The following ITIH5 variants were observed in gnomAD, a reference collection of about 807,000 sequenced individuals.
ITIH5 encodes inter-alpha-trypsin inhibitor heavy chain H5.
A neutral mutation model predicts 77.5 loss-of-function variants in ITIH5; 65 were observed. The observed-to-expected ratio is 0.84, with a 90% CI of 0.69 to 1.03. The LOEUF is 1.03. Among genes scored for constraint, ITIH5 ranks in the 50% least tolerant of loss-of-function variants. The pLI, the probability that ITIH5 is intolerant of heterozygous loss-of-function variation, is 0.00. For synonymous variants in ITIH5, 525 were observed against 494.3 expected, an observed-to-expected ratio of 1.06 and a Z score of -0.82; for missense variants, 1,208 against 1,213.1, an observed-to-expected ratio of 1.00 and a Z score of 0.06.
Position 7,560,158 on chromosome 10 carries a change from C to T in ITIH5, c.*2925G>A, listed in dbSNP as rs1832015125. On this transcript the variant is annotated 3_prime_UTR_variant, in exon 14 of 14. Coordinates refer to ENST00000397146, the MANE Select transcript of ITIH5 (RefSeq NM_030569.7). ...AGCCACTGCACCTGGCCCCATGTCT[C>T]TTCTTATAAGGGCCTTAATCCCATT... 2 of 219,272 alleles carry T rather than the reference C, an allele frequency of 9.1e-6. No individual in the cohort carries two copies. Among genetic ancestry groups the T allele is most frequent in the African/African-American group, 4.7e-5 (2 of 42,400 alleles). The allele number at this position is 219,272 out of a possible 1,614,324, so 13.6% of individuals were successfully genotyped here.
chr10:7,580,695 G>A (rs1219273525), intron 8 of ITIH5, among the ~76,000 whole-genome samples: 2 of 152,162 alleles, frequency 1.3e-5, no homozygotes, highest in African/African-American at 2.4e-5. Context: ...GAATGTGGAG[G>A]GAGAAAGAGC....
chr10:7,634,170 A>G (rs1654340674), intron 5 of ITIH5, among the ~76,000 whole-genome samples: 1 of 152,088 alleles, frequency 6.6e-6, no homozygotes, highest in African/African-American at 2.4e-5. Context: ...AAATTCCAGA[A>G]GTTAGATTTC....
intron 7 of ITIH5, among the ~76,000 whole-genome samples, chr10:7,588,838 C>A (rs1403648622): frequency 1.3e-5 from 2 of 152,228 alleles, no homozygotes; most frequent in Non-Finnish European, 2.9e-5. Flanking sequence ...TACGAGCCAC[C>A]TGAGGGAAAG....
Position 7,564,514 on chromosome 10 carries a change from T to C in ITIH5, c.2528-1130A>G, listed in dbSNP as rs181656472. ...ACAAATACTTATCATCGTGTTGCAA[T>C]TGCCTGCAGTAGTCCATGCAGTCAC... On this transcript the variant is annotated intron_variant, in intron 13 of 13. Transcript: ENST00000397146. Among the ~76,000 whole-genome samples, 388 of 152,186 alleles carry C rather than the reference T, an allele frequency of 2.5e-3. 1 individual carries two copies. The highest frequency in any genetic ancestry group is 0.012 in the South Asian group (60 of 4,822).
rs1307188473 is a variant in ITIH5 at position 7,566,087 on chromosome 10, G to A, written c.2470C>T (p.Leu824=). The A allele has an allele frequency of 6.2e-7, 1 of 1,614,160 alleles. No individual in the cohort carries two copies. The highest frequency in any genetic ancestry group is 8.5e-7 in the Non-Finnish European group (1 of 1,180,032). Residue 824 remains leucine, a synonymous_variant, in exon 13 of 14, where the codon CTG becomes TTG. Transcript: ENST00000397146. The part of the protein sequence containing the change: ...KKPAPFQRHH[L]GFYIANSEGL... ...TCGCTGTTGGCAATGTAGAAACCCA[G>A]GTGGTGTCGCTGGAAGGGCGCCGGC... is the stretch of plus-strand genomic sequence containing the variant.
Position 7,657,063 on chromosome 10 carries a change from T to TTA in ITIH5, c.91-1389_91-1388insTA, listed in dbSNP as rs756931595. Among the ~76,000 whole-genome samples, 353 of 126,268 alleles carry TTA rather than the reference T, an allele frequency of 2.8e-3. 3 individuals carry two copies. Among genetic ancestry groups the TTA allele is most frequent in the African/African-American group, 5.9e-3 (199 of 33,450 alleles). 82.8% of individuals were successfully genotyped at this position (126,268 alleles called of 152,430 possible). ...GGCCTTTTTTTTTTTTTTTTTTTTTTAGACGGAGTCTTGTTCTGTTGCCCA... is the reference window on the plus strand; with the variant it reads ...GGCCTTTTTTTTTTTTTTTTTTTTTTTAAGACGGAGTCTTGTTCTGTTGCCCA... On this transcript the variant is annotated intron_variant, in intron 1 of 13. Coordinates refer to ENST00000397146, the MANE Select transcript of ITIH5 (RefSeq NM_030569.7).
chr10:7,651,727 G>C (rs901388653), intron 2 of ITIH5, among the ~76,000 whole-genome samples: 19 of 152,154 alleles, frequency 1.2e-4, no homozygotes, highest in African/African-American at 4.6e-4. Context: ...CAACCCTACA[G>C]CCAATCCTAA....
chr10:7,598,185 C>T (rs1296776331), intron 7 of ITIH5, among the ~76,000 whole-genome samples: 2 of 152,120 alleles, frequency 1.3e-5, no homozygotes, highest in Non-Finnish European at 2.9e-5. Flanking sequence ...GCTACAAATA[C>T]CTCCTGAAAT....
In ITIH5 at chr10:7,617,204, A is replaced by G; in HGVS notation, c.731T>C (p.Val244Ala). 1 of 1,605,034 alleles carries G rather than the reference A, an allele frequency of 6.2e-7. No homozygotes were observed. Among genetic ancestry groups the G allele is most frequent in the Non-Finnish European group, 8.5e-7 (1 of 1,175,876 alleles). The stretch of plus-strand genomic sequence containing the variant: ...ATTCTGGGCAATCCTGGCTTGTTGT[A>G]CTACAGTAGGTTTAAAAATTATGTT... ...FANIIFKPTVVQQARIAQNGI... is the reference protein window; with the variant it reads ...FANIIFKPTVAQQARIAQNGI... The change falls in exon 6 of 14, where the codon GTA becomes GCA. Residue 244 changes from valine to alanine, a missense_variant. Physicochemically the swap from Val to Ala is moderately conservative, Grantham distance 64 (BLOSUM62 0). Transcript: ENST00000397146.
intron 9 of ITIH5, among the ~76,000 whole-genome samples, chr10:7,577,767 G>A (rs186909485): frequency 3.3e-5 from 5 of 152,326 alleles, no homozygotes; most frequent in East Asian, 3.9e-4. Context: ...CTTGCTGTGT[G>A]TCTTGGGACA....
chr10:7,614,590 C>T (rs999889608), intron 7 of ITIH5, among the ~76,000 whole-genome samples: 3 of 152,066 alleles, frequency 2.0e-5, no homozygotes, highest in African/African-American at 7.2e-5. Context: ...GACTGGATAC[C>T]CCGGCTCTGA....
intron 12 of ITIH5, among the ~76,000 whole-genome samples, chr10:7,567,738 C>CA (rs1024573161): frequency 2.5e-4 from 37 of 150,646 alleles, no homozygotes; most frequent in South Asian, 2.3e-3. Flanking sequence ...TTAGACAAGT[C>CA]AAAAAAAAAC....
intron 7 of ITIH5, among the ~76,000 whole-genome samples, chr10:7,592,333 G>A (rs1293738904): frequency 6.6e-6 from 1 of 151,932 alleles, no homozygotes; most frequent in African/African-American, 2.4e-5. Flanking sequence ...CCATCCCCTT[G>A]CCCTGCCCCA....
chr10:7,644,715 A>C (rs1833965479), intron 2 of ITIH5, among the ~76,000 whole-genome samples: 2 of 140,722 alleles, frequency 1.4e-5, no homozygotes, highest in African/African-American at 5.3e-5. Context: ...TCACATATAT[A>C]TCATATATAT....
intron 5 of ITIH5, among the ~76,000 whole-genome samples, chr10:7,635,285 C>T (rs1833781167): frequency 6.6e-6 from 1 of 152,202 alleles, no homozygotes; most frequent in South Asian, 2.1e-4. Flanking sequence ...TTTAAGCTCT[C>T]ATTCTGCGGC....
intron 8 of ITIH5, 69 bp downstream of exon 8, chr10:7,585,832 A>C: frequency 1.4e-6 from 2 of 1,415,954 alleles, no homozygotes; most frequent in Admixed American, 2.3e-5. Flanking sequence ...TGGCAAAAAA[A>C]AAAAAAAACC....
Position 7,580,011 on chromosome 10 carries a change from C to T in ITIH5, c.1162G>A (p.Val388Met), listed in dbSNP as rs749838158. 1.3e-5 allele frequency: 21 copies of T among 1,613,532 alleles called. No homozygotes were observed. Among genetic ancestry groups the T allele is most frequent in the African/African-American group, 6.7e-5 (5 of 75,038 alleles). Residue 388 changes from valine (V) to methionine (M), a missense_variant, in exon 9 of 14, where the codon GTG becomes ATG. Transcript: ENST00000397146. ...QRAIRLLNKY[V>M]AHSGIGDRSV... ...CGGTCTCCAATGCCACTGTGGGCCA[C>T]GTACTTGTTGAGGAGCCTGATGGCC...
chr10:7,619,547 T>C (rs1833434802), intron 5 of ITIH5: 1 of 337,052 alleles, frequency 3.0e-6, no homozygotes, highest in Non-Finnish European at 6.2e-6. Context: ...TGAGACTGGG[T>C]AGTTTATACA....
rs749563909 is a variant in ITIH5 at position 7,580,081 on chromosome 10, C to G, written c.1109-17G>C. The G allele has an allele frequency of 6.4e-7, 1 of 1,573,260 alleles. No individual in the cohort carries two copies. The highest frequency in any genetic ancestry group is 2.3e-5 in the East Asian group (1 of 42,646). ...TGTCTGTGCCTGCAGGACACCAACA[C>G]GGAACAGCTCAAGCCTCTGCACTCA... is the stretch of plus-strand genomic sequence containing the variant. On this transcript the variant is annotated splice_polypyrimidine_tract_variant and intron_variant, in intron 8 of 13. Coordinates refer to ENST00000397146, the MANE Select transcript of ITIH5 (RefSeq NM_030569.7).
Sources: gnomAD v4.1 joint callset for allele counts (sites outside exome capture counted in the v4.1 genomes callset) on GRCh38, gnomAD v4.1.1 for gene constraint, MANE v1.5 for transcripts, NCBI Gene and HGNC (gene_info 2026-07-23, HGNC 2026-07-21) for gene names.